Variants in CCSER1 observed in about 807,000 individuals in gnomAD.
CCSER1 encodes the protein serine-rich coiled-coil domain-containing protein 1.
CCSER1 carries 41 observed loss-of-function variants against 82.0 expected under a neutral mutation model. The ratio of observed to expected loss-of-function variants is 0.50; its 90% CI spans 0.39 to 0.65. The LOEUF is 0.65. Ranked by LOEUF, CCSER1 falls within the 30% of genes least tolerant of loss-of-function variation. CCSER1 has a pLI of 0.00. For synonymous variants in CCSER1, 414 were observed against 383.9 expected, an observed-to-expected ratio of 1.08 and a Z score of -0.92; for missense variants, 1,119 against 1,064.2, an observed-to-expected ratio of 1.05 and a Z score of -0.72.
At chr4:90,525,731 T>C (rs1233629418) in intron 5 of CCSER1, among the ~76,000 whole-genome samples, 1 of 152,146 alleles carries the variant, frequency 6.6e-6, no homozygotes, top group Non-Finnish European at 1.5e-5. Context: ...AGTCCGTAAC[T>C]GGGCTGAAGC....
chr4:90,518,245 A>T (rs1171337545), intron 5 of CCSER1, among the ~76,000 whole-genome samples: 1 of 152,118 alleles, frequency 6.6e-6, no homozygotes, highest in Non-Finnish European at 1.5e-5. Flanking sequence ...GCTTAATTTC[A>T]GCCCTGATCT....
At chr4:90,484,249 T>A (rs1232188603) in intron 5 of CCSER1, among the ~76,000 whole-genome samples, 1 of 152,172 alleles carries the variant, frequency 6.6e-6, no homozygotes, top group African/African-American at 2.4e-5. Context: ...TTCTCTGTGT[T>A]TGTTATTCTA....
At chr4:90,972,289 A>G (rs1306836469) in intron 9 of CCSER1, among the ~76,000 whole-genome samples, 1 of 151,894 alleles carries the variant, frequency 6.6e-6, no homozygotes, top group Non-Finnish European at 1.5e-5. Flanking sequence ...ATAAAGTAAC[A>G]GGATATAAAA....
At chr4:90,189,611 T>C (rs554581676) in intron 1 of CCSER1, among the ~76,000 whole-genome samples, 1 of 152,048 alleles carries the variant, frequency 6.6e-6, no homozygotes, top group East Asian at 1.9e-4. Context: ...ATATTCGTAA[T>C]GTTCCTTTTT....
At chr4:90,406,696 A>T (rs1753788714) in intron 4 of CCSER1, among the ~76,000 whole-genome samples, 1 of 152,198 alleles carries the variant, frequency 6.6e-6, no homozygotes. Context: ...AATCAACTCC[A>T]AAAGGAATCT....
intron 5 of CCSER1, among the ~76,000 whole-genome samples, chr4:90,574,767 GT>G (rs202021673): frequency 2.0e-5 from 3 of 150,940 alleles, no homozygotes; most frequent in Non-Finnish European, 3.0e-5. Context: ...ACATTTTGGT[GT>G]TTTTTTTGTG....
intron 10 of CCSER1, among the ~76,000 whole-genome samples, chr4:91,189,461 C>CT (rs1244673975): frequency 2.0e-5 from 3 of 152,074 alleles, no homozygotes; most frequent in Non-Finnish European, 4.4e-5. Context: ...CTCCAGTGGC[C>CT]TGGAGTCATT....
intron 10 of CCSER1, among the ~76,000 whole-genome samples, chr4:91,570,071 T>A (rs985648241): frequency 6.6e-6 from 1 of 152,132 alleles, no homozygotes; most frequent in Non-Finnish European, 1.5e-5. Flanking sequence ...CAAAATCCAA[T>A]AGGGTAGTCA....
chr4:91,470,280 A>G (rs1166962278), intron 10 of CCSER1, among the ~76,000 whole-genome samples: 2 of 152,162 alleles, frequency 1.3e-5, no homozygotes, highest in Non-Finnish European at 2.9e-5. Flanking sequence ...TAAAGTTTCA[A>G]ATATGTTTTT....
At chr4:91,216,813 A>T (rs1737280375) in intron 10 of CCSER1, among the ~76,000 whole-genome samples, 1 of 152,164 alleles carries the variant, frequency 6.6e-6, no homozygotes, top group South Asian at 2.1e-4. Flanking sequence ...AATGAGTGAA[A>T]GGGGCAAATA....
chr4:91,044,037 G>A (rs541955276), intron 9 of CCSER1, among the ~76,000 whole-genome samples: 1 of 152,240 alleles, frequency 6.6e-6, no homozygotes, highest in Admixed American at 6.5e-5. Context: ...CAAAGACCCA[G>A]GTGTTTACCT....
intron 10 of CCSER1, among the ~76,000 whole-genome samples, chr4:91,333,206 A>G (rs1747079937): frequency 6.6e-6 from 1 of 152,034 alleles, no homozygotes; most frequent in East Asian, 1.9e-4. Context: ...CTGAAAAAAA[A>G]GAATTCTGAA....
chr4:90,809,209 A>G (rs963040134), intron 7 of CCSER1, among the ~76,000 whole-genome samples: 1 of 151,336 alleles, frequency 6.6e-6, no homozygotes, highest in Non-Finnish European at 1.5e-5. Context: ...AGTCCTAGCT[A>G]CTCAAGAGGC....
At chr4:90,750,466 G>T (rs1748416868) in intron 7 of CCSER1, among the ~76,000 whole-genome samples, 1 of 152,100 alleles carries the variant, frequency 6.6e-6, no homozygotes, top group East Asian at 1.9e-4. Context: ...GAGTAAATGT[G>T]GGGTTGTTTG....
intron 8 of CCSER1, among the ~76,000 whole-genome samples, chr4:90,885,743 TAATGA>T (rs1722027249): frequency 6.6e-6 from 1 of 152,170 alleles, no homozygotes; most frequent in Non-Finnish European, 1.5e-5. Flanking sequence ...GAAAGTCTCT[TAATGA>T]AATGCTGAAT....
intron 9 of CCSER1, among the ~76,000 whole-genome samples, chr4:91,055,630 A>G (rs898656704): frequency 3.9e-5 from 6 of 152,058 alleles, no homozygotes; most frequent in Non-Finnish European, 7.4e-5. Flanking sequence ...GCTTGAGTTC[A>G]TCTTACTTGG....
In CCSER1 at chr4:91,027,925, C is replaced by T. The variant is rs142232876; in HGVS notation, c.2173-58025C>T. On this transcript the variant is annotated intron_variant, in intron 9 of 10. Transcript: ENST00000509176. ...CATTCTGTCCGTTATAACTCTGTTG[C>T]AATGTCATTCTGCTGAATATATTCT... Among the ~76,000 whole-genome samples, 35 of 152,132 alleles carry T rather than the reference C, an allele frequency of 2.3e-4. No homozygotes were observed. In the East Asian group the frequency reaches 6.4e-3, roughly 28 times the overall value.
At chr4:91,014,307 C>T (rs1739243858) in intron 9 of CCSER1, among the ~76,000 whole-genome samples, 1 of 133,952 alleles carries the variant, frequency 7.5e-6, no homozygotes, top group Non-Finnish European at 1.7e-5. Context: ...AAAAGCAAAA[C>T]TTATAAGGAC....
intron 8 of CCSER1, among the ~76,000 whole-genome samples, chr4:90,824,648 A>T (rs1227300686): frequency 6.6e-6 from 1 of 152,272 alleles, no homozygotes; most frequent in East Asian, 1.9e-4. Flanking sequence ...TCATGAATTT[A>T]TCTTAAAAGT....
Sources: gnomAD v4.1 joint callset for allele counts (sites outside exome capture counted in the v4.1 genomes callset) on GRCh38, gnomAD v4.1.1 for gene constraint, MANE v1.5 for transcripts, NCBI Gene and HGNC (gene_info 2026-07-23, HGNC 2026-07-21) for gene names.